The following RBFOX1 variants were observed in gnomAD, a reference collection of about 807,000 sequenced individuals.
The protein encoded by RBFOX1 is RNA binding fox-1 homolog 1, also known as RNA binding protein fox-1 homolog 1.
RBFOX1 carries 8 observed loss-of-function variants against 57.7 expected under a neutral mutation model. The ratio of observed to expected loss-of-function variants is 0.14; its 90% CI spans 0.08 to 0.25. The LOEUF (loss-of-function observed/expected upper bound fraction) is 0.25. Among genes scored for constraint, RBFOX1 ranks in the 10% least tolerant of loss-of-function variants. The probability of loss-of-function intolerance (pLI) is 1.00; values close to 1 mark genes in which losing one functional copy is unlikely to be tolerated. For synonymous variants in RBFOX1, 326 were observed against 222.4 expected (o/e 1.47, Z -4.15); for missense variants, 611 against 548.5 (o/e 1.11, Z -1.14).
chr16:7,586,792 G>T (rs754214150), intron 6 of RBFOX1, among the ~76,000 whole-genome samples: 3 of 152,158 alleles, frequency 2.0e-5, no homozygotes, highest in Non-Finnish European at 4.4e-5. Flanking sequence ...TCATATGATA[G>T]AGCTGCTCCT....
At chr16:5,829,062 G>C (rs1418091434) in intron 3 of RBFOX1, among the ~76,000 whole-genome samples, 2 of 152,096 alleles carry the variant, frequency 1.3e-5, no homozygotes, top group African/African-American at 2.4e-5. Flanking sequence ...CCCTTTCCCT[G>C]TGCTGCATTC....
chr16:6,044,510 A>G (rs572996184), intron 1 of RBFOX1, among the ~76,000 whole-genome samples: 9 of 151,722 alleles, frequency 5.9e-5, no homozygotes, highest in Non-Finnish European at 1.2e-4. Context: ...AAAAAATTCA[A>G]ACAATTCCAC....
intron 2 of RBFOX1, among the ~76,000 whole-genome samples, chr16:6,461,180 T>G (rs2094910786): frequency 6.6e-6 from 1 of 152,130 alleles, no homozygotes; most frequent in African/African-American, 2.4e-5. Flanking sequence ...ATGAGGCTGA[T>G]AGGTGCAGCA....
chr16:6,088,148 T>C (rs2096116567), intron 1 of RBFOX1, among the ~76,000 whole-genome samples: 1 of 152,194 alleles, frequency 6.6e-6, no homozygotes, highest in Non-Finnish European at 1.5e-5. Flanking sequence ...TAGAACCTAT[T>C]CTGATTTACT....
chr16:6,518,422 GC>G (rs1241979956), intron 2 of RBFOX1, among the ~76,000 whole-genome samples: 3 of 152,138 alleles, frequency 2.0e-5, no homozygotes, highest in Non-Finnish European at 4.4e-5. Context: ...CCAATCAGGG[GC>G]CAGGTGATGA....
intron 3 of RBFOX1, among the ~76,000 whole-genome samples, chr16:6,891,078 T>C (rs952591264): frequency 6.6e-6 from 1 of 152,200 alleles, no homozygotes; most frequent in Non-Finnish European, 1.5e-5. Context: ...CAATTGTTTG[T>C]TGACACCAGG....
intron 4 of RBFOX1, among the ~76,000 whole-genome samples, chr16:7,222,160 C>T (rs1011027069): frequency 7.3e-5 from 11 of 151,110 alleles, no homozygotes; most frequent in African/African-American, 1.4e-4. Flanking sequence ...AAAGCCCAGC[C>T]TGAAGTAAGA....
At chr16:6,743,540 G>A (rs2154184753) in intron 3 of RBFOX1, among the ~76,000 whole-genome samples, 1 of 152,228 alleles carries the variant, frequency 6.6e-6, no homozygotes, top group Non-Finnish European at 1.5e-5. Context: ...CCAGGAGTTT[G>A]AGACCAACCT....
chr16:7,115,349 A>C (rs1038106), intron 4 of RBFOX1, among the ~76,000 whole-genome samples: 2 of 152,158 alleles, frequency 1.3e-5, no homozygotes, highest in African/African-American at 4.8e-5. Flanking sequence ...AATAAGAAAT[A>C]TGAAAGTCCT....
In RBFOX1 at chr16:6,346,441, G is replaced by A. The variant is rs542854566; in HGVS notation, c.-64+29384G>A. Among the ~76,000 whole-genome samples, 218 of 152,222 alleles carry A rather than the reference G, an allele frequency of 1.4e-3. 6 individuals are homozygous for A. The South Asian group carries it at 0.029, about 20-fold the overall frequency. ...AGGTTGCTGAGTCTCAGCCAATCAC[G>A]GCAGCTCAGCTTCAGATAATCCCAG... On this transcript the variant is annotated intron_variant, in intron 2 of 15. Coordinates refer to ENST00000550418, the MANE Select transcript of RBFOX1 (RefSeq NM_018723.4).
chr16:7,242,985 C>T (rs201302827), intron 4 of RBFOX1, among the ~76,000 whole-genome samples: 5 of 152,196 alleles, frequency 3.3e-5, no homozygotes, highest in Non-Finnish European at 5.9e-5. Flanking sequence ...TCTTCCTCCT[C>T]CTCCTCTTGT....
At chr16:5,359,007 T>G (rs1337556778) in intron 1 of RBFOX1, among the ~76,000 whole-genome samples, 1 of 152,186 alleles carries the variant, frequency 6.6e-6, no homozygotes. Context: ...ACTCTCTGTT[T>G]CCATGAGTTC....
At chr16:6,979,391 G>A (rs1397445198) in intron 3 of RBFOX1, among the ~76,000 whole-genome samples, 1 of 150,144 alleles carries the variant, frequency 6.7e-6, no homozygotes, top group African/African-American at 2.5e-5. Context: ...ACTTTCCATT[G>A]TGCGATAGAC....
chr16:6,233,269 A>G (rs1293116349), intron 1 of RBFOX1, among the ~76,000 whole-genome samples: 3 of 152,138 alleles, frequency 2.0e-5, no homozygotes, highest in South Asian at 2.1e-4. Context: ...AGAAGCCCCA[A>G]ACTGGAGGGA....
At chr16:7,237,788 T>C (rs1171843797) in intron 4 of RBFOX1, among the ~76,000 whole-genome samples, 3 of 152,184 alleles carry the variant, frequency 2.0e-5, no homozygotes, top group Non-Finnish European at 2.9e-5. Context: ...GACAGATCAC[T>C]TGAGGTCAGG....
intron 1 of RBFOX1, among the ~76,000 whole-genome samples, chr16:6,122,670 C>T (rs2096559852): frequency 6.6e-6 from 1 of 152,056 alleles, no homozygotes; most frequent in Non-Finnish European, 1.5e-5. Flanking sequence ...CCCTGGGGCT[C>T]ACTGGCTCTT....
chr16:6,107,497 A>G (rs751836658), intron 1 of RBFOX1, among the ~76,000 whole-genome samples: 55 of 152,146 alleles, frequency 3.6e-4, no homozygotes, highest in Non-Finnish European at 5.0e-4. Flanking sequence ...CTGTAGTGTC[A>G]TAATATATCC....
chr16:5,674,013 A>C (rs8060378), intron 3 of RBFOX1, among the ~76,000 whole-genome samples: 22,962 of 152,180 alleles, frequency 0.15, 1,943 homozygotes, highest in East Asian at 0.33. Context: ...GACAGGGACT[A>C]TGCCAGTTGC....
intron 2 of RBFOX1, among the ~76,000 whole-genome samples, chr16:6,526,844 A>C (rs1377934672): frequency 6.7e-6 from 1 of 148,798 alleles, no homozygotes; most frequent in African/African-American, 2.5e-5. Flanking sequence ...AAAAAAAAAA[A>C]AAAAAAAAAA....
Sources: gnomAD v4.1 joint callset for allele counts (sites outside exome capture counted in the v4.1 genomes callset) on GRCh38, gnomAD v4.1.1 for gene constraint, MANE v1.5 for transcripts, NCBI Gene and HGNC (gene_info 2026-07-23, HGNC 2026-07-21) for gene names.